CCDC112: variants seen among roughly 807,000 people sequenced by gnomAD.
The protein encoded by CCDC112 is coiled-coil domain-containing protein 112.
In CCDC112, 40 loss-of-function variants were observed where a neutral mutation model predicts 66.3. The ratio of observed to expected loss-of-function variants is 0.60; its 90% CI spans 0.47 to 0.79. The LOEUF (loss-of-function observed/expected upper bound fraction) is 0.79, where lower values mean the gene tolerates loss of function less well. Ranked by LOEUF, CCDC112 falls within the 30% of genes least tolerant of loss-of-function variation. The pLI is 0.00. For synonymous variants in CCDC112, 214 were observed against 197.2 expected (o/e 1.09, Z -0.71); for missense variants, 659 against 603.8 (o/e 1.09, Z -0.96).
intron 1 of CCDC112, among the ~76,000 whole-genome samples, chr5:115,293,913 C>T (rs1184131983): frequency 6.6e-6 from 1 of 152,096 alleles, no homozygotes; most frequent in African/African-American, 2.4e-5. Context: ...TAATGTGATA[C>T]TGTTAAAGAT....
At chr5:115,284,589 ACT>A (rs765175077) in intron 2 of CCDC112, among the ~76,000 whole-genome samples, 196 bp downstream of exon 2, 4 of 152,036 alleles carry the variant, frequency 2.6e-5, no homozygotes, top group Non-Finnish European at 5.9e-5. Context: ...AATTGAAATA[ACT>A]CTATTTACAA....
At position 115,284,815 on chromosome 5, in the gene CCDC112, C is replaced by G. The variant is rs775321823; in HGVS notation, c.211G>C (p.Val71Leu). ...KVNQTKKAEF[V>L]RTAEKFKNQV... is the part of the protein sequence containing the mutation. ...TTTTTAAATTTTTCTGCTGTGCGTA[C>G]AAATTCTGCTTTCTTAGTCTGATTA... is the stretch of plus-strand genomic sequence containing the variant. Residue 71 changes from valine (V) to leucine (L), a missense_variant, in exon 2 of 10, where the codon GTA becomes CTA. By Grantham distance (32) the Val-to-Leu change is conservative. Transcript: ENST00000379611. 47 of 1,609,374 alleles carry G rather than the reference C, an allele frequency of 2.9e-5. No homozygotes were observed. The highest frequency in any genetic ancestry group is 3.9e-5 in the Non-Finnish European group (46 of 1,176,144).
At position 115,296,642 on chromosome 5, in the gene CCDC112, G is replaced by A. The variant is rs1370278028; in HGVS notation, c.-99C>T. On this transcript the variant is annotated 5_prime_UTR_variant, in exon 1 of 10. Coordinates refer to ENST00000379611, the MANE Select transcript of CCDC112 (RefSeq NM_001040440.3). ...CTGCAGACAGCTCCCTGCGCTGCGG[G>A]CTTGGCCGGGATGCAGGGCGGGGCC... The A allele has an allele frequency of 7.7e-7, 1 of 1,294,002 alleles. No individual in the cohort carries two copies. Among genetic ancestry groups the A allele is most frequent in the Non-Finnish European group, 9.9e-7 (1 of 1,010,312 alleles). The allele number at this position is 1,294,002 out of a possible 1,614,324, so 80.2% of individuals were successfully genotyped here. A position where few individuals can be genotyped will look rare whatever the true frequency, so the allele number is the denominator to read the frequency against.
At chr5:115,296,077 G>A (rs1750142297) in intron 1 of CCDC112, 1 of 1,024,382 alleles carries the variant, frequency 9.8e-7, no homozygotes, top group African/African-American at 1.7e-5. Context: ...CTGTGCCAGG[G>A]GCTCCCCAGA....
chr5:115,285,157 T>C (rs549849606), intron 1 of CCDC112, among the ~76,000 whole-genome samples: 1 of 152,284 alleles, frequency 6.6e-6, no homozygotes, highest in South Asian at 2.1e-4. Context: ...AATGATCTAA[T>C]TCATTCAGTC....
At chr5:115,276,091 T>G (rs776755095) in intron 4 of CCDC112, 22 bp from the exon 5 acceptor site, 1 of 1,553,864 alleles carries the variant, frequency 6.4e-7, no homozygotes, top group East Asian at 2.3e-5. Flanking sequence ...ACACGGAAAA[T>G]TATTTTGTGC....
At chr5:115,280,509 A>G (rs1205336656) in intron 2 of CCDC112, 1 of 152,020 alleles carries the variant, frequency 6.6e-6, no homozygotes, top group South Asian at 2.1e-4. Flanking sequence ...AAAATAAAAC[A>G]CTACTGAGAA....
chr5:115,286,462 A>C (rs1299286515), intron 1 of CCDC112, among the ~76,000 whole-genome samples: 2 of 152,140 alleles, frequency 1.3e-5, no homozygotes, highest in African/African-American at 4.8e-5. Context: ...GCTGATGGAC[A>C]ATTGGGGTGT....
At chr5:115,291,211 C>T (rs1749914129) in intron 1 of CCDC112, among the ~76,000 whole-genome samples, 1 of 152,002 alleles carries the variant, frequency 6.6e-6, no homozygotes. Context: ...TGGATTTTGT[C>T]AATTGCTTTT....
Position 115,269,795 on chromosome 5 carries a change from A to C in CCDC112, c.1336T>G (p.Leu446Val), listed in dbSNP as rs969127171. 1.3e-6 allele frequency: 2 copies of C among 1,546,762 alleles called. No individual in the cohort carries two copies. Among genetic ancestry groups the C allele is most frequent in the Non-Finnish European group, 1.7e-6 (2 of 1,152,224 alleles). ...AGAATTTTCAGTTCAAGTTTATGTAAATCCTTAAAAAAAAAAACCCATAGC... is the reference window on the plus strand; with the variant it reads ...AGAATTTTCAGTTCAAGTTTATGTACATCCTTAAAAAAAAAAACCCATAGC... ...DEISRFQERD[L>V]HKLELKILDR... Residue 446 changes from leucine to valine, a missense_variant, in exon 8 of 10, where the codon TTA becomes GTA. Coordinates refer to ENST00000379611, the MANE Select transcript of CCDC112 (RefSeq NM_001040440.3).
At chr5:115,292,988 C>T (rs1749998851) in intron 1 of CCDC112, among the ~76,000 whole-genome samples, 1 of 152,222 alleles carries the variant, frequency 6.6e-6, no homozygotes, top group African/African-American at 2.4e-5. Context: ...AACAAACTCA[C>T]CATAAGTGCA....
chr5:115,270,272 CTG>C (rs1748942634), intron 7 of CCDC112, among the ~76,000 whole-genome samples: 1 of 152,026 alleles, frequency 6.6e-6, no homozygotes, highest in African/African-American at 2.4e-5. Flanking sequence ...TGTGCTTTGT[CTG>C]TGTTTTTGTC....
chr5:115,288,304 C>T (rs986526132), intron 1 of CCDC112, among the ~76,000 whole-genome samples: 17 of 152,146 alleles, frequency 1.1e-4, no homozygotes, highest in African/African-American at 3.1e-4. Flanking sequence ...AAAAGTTACT[C>T]CAGTGACTTT....
At chr5:115,290,210 C>A (rs1749862868) in intron 1 of CCDC112, among the ~76,000 whole-genome samples, 1 of 152,164 alleles carries the variant, frequency 6.6e-6, no homozygotes, top group Admixed American at 6.5e-5. Flanking sequence ...GGTGGTTATT[C>A]AATTGTCCAA....
chr5:115,269,630 G>A (rs1456878639), intron 8 of CCDC112, 73 bp downstream of exon 8: 3 of 1,018,446 alleles, frequency 2.9e-6, no homozygotes, highest in South Asian at 3.0e-5. Flanking sequence ...AAAGGAAATA[G>A]ATTTGATGTC....
Position 115,279,662 on chromosome 5 carries a change from T to G in CCDC112, c.346A>C (p.Ser116Arg). 6.2e-7 allele frequency: 1 copy of G among 1,611,746 alleles called. No homozygotes were observed. Among genetic ancestry groups the G allele is most frequent in the Non-Finnish European group, 8.5e-7 (1 of 1,179,318 alleles). The change falls in exon 3 of 10, where the codon AGC (serine) becomes CGC (arginine). Residue 116 changes from serine to arginine, a missense_variant. By Grantham distance (110) the Ser-to-Arg change is moderately radical. Transcript: ENST00000379611. ...LEELENKLIHSRKTERAKIQQ... is the reference protein window; with the variant it reads ...LEELENKLIHRRKTERAKIQQ... ...CTCAACTTACTTTCTGTTTTCCTGC[T>G]GTGAATCAATTTATTTTCCAATTCT...
intron 7 of CCDC112, among the ~76,000 whole-genome samples, 191 bp from the exon 8 acceptor site, chr5:115,269,989 ATTT>A (rs1748932735): frequency 6.6e-6 from 1 of 152,018 alleles, no homozygotes; most frequent in African/African-American, 2.4e-5. Flanking sequence ...CTTCTGTATT[ATTT>A]TATTTTAGGC....
In CCDC112 at chr5:115,271,263, C is replaced by T; in HGVS notation, c.1282G>A (p.Ala428Thr). Reference protein sequence around the residue: ...EKEIREKAEKAEKRKNAADEI... With the variant: ...EKEIREKAEKTEKRKNAADEI... ...TCAGCAGCATTTTTCCTTTTTTCTG[C>T]CTTTTCTGCCTTTTCCCTTATCTCC... The change falls in exon 7 of 10, where the codon GCA becomes ACA. Residue 428 changes from alanine to threonine, a missense_variant. Transcript: ENST00000379611. 1.3e-6 allele frequency: 2 copies of T among 1,588,010 alleles called. No individual in the cohort carries two copies. The highest frequency in any genetic ancestry group is 1.2e-5 in the South Asian group (1 of 84,976).
intron 1 of CCDC112, among the ~76,000 whole-genome samples, chr5:115,287,471 C>A (rs562238838): frequency 6.6e-6 from 1 of 152,114 alleles, no homozygotes; most frequent in Admixed American, 6.5e-5. Flanking sequence ...AAAGACCAGA[C>A]AAAATAAAAA....
Sources: allele counts gnomAD v4.1 joint callset (sites outside exome capture counted in the v4.1 genomes callset), GRCh38; gene constraint gnomAD v4.1.1; transcripts MANE v1.5; gene names NCBI Gene and HGNC (gene_info 2026-07-23, HGNC 2026-07-21).